CALN1: variants seen among roughly 807,000 people sequenced by gnomAD.
CALN1 encodes the protein calcium-binding protein 8.
Under a neutral mutation model 30.6 loss-of-function variants are expected in CALN1, and 17 were observed. That is an observed-to-expected ratio of 0.56 (90% CI 0.38 to 0.83). The LOEUF is 0.83. Among genes scored for constraint, CALN1 ranks in the 40% least tolerant of loss-of-function variants. CALN1 has a pLI of 0.00. For missense variants in CALN1, 291 were observed against 354.9 expected (o/e 0.82, Z 1.45); for synonymous variants, 156 against 131.4 (o/e 1.19, Z -1.28).
chr7:71,958,180 T>C (rs1334524819), intron 5 of CALN1, among the ~76,000 whole-genome samples: 9 of 152,152 alleles, frequency 5.9e-5, no homozygotes, highest in Admixed American at 3.3e-4. Context: ...TCTGAGATTT[T>C]AATGGATCCA....
chr7:72,069,247 C>A (rs1012883996), intron 4 of CALN1, among the ~76,000 whole-genome samples: 3 of 152,210 alleles, frequency 2.0e-5, no homozygotes, highest in Non-Finnish European at 4.4e-5. Flanking sequence ...CCCCGCTGCT[C>A]AGGCAGACAC....
intron 5 of CALN1, among the ~76,000 whole-genome samples, chr7:71,895,479 C>A (rs760232662): frequency 6.6e-6 from 1 of 152,188 alleles, no homozygotes; most frequent in African/African-American, 2.4e-5. Context: ...ATTCATTCGA[C>A]AAGAGTGACA....
chr7:72,158,455 C>G (rs748674746), intron 3 of CALN1, among the ~76,000 whole-genome samples: 2 of 152,212 alleles, frequency 1.3e-5, no homozygotes, highest in Non-Finnish European at 2.9e-5. Flanking sequence ...TCCAATCCAA[C>G]CTTCGTCCTG....
intron 5 of CALN1, among the ~76,000 whole-genome samples, chr7:71,975,213 G>C (rs1191486546): frequency 6.6e-6 from 1 of 152,164 alleles, no homozygotes; most frequent in Non-Finnish European, 1.5e-5. Flanking sequence ...TGAGCCCCGT[G>C]CTAGCCTCTT....
rs377122092 is a variant in CALN1, at chr7:71,949,907, G to A, written c.501+73750C>T. Reference sequence around the variant, plus strand: ...CTCCCGAGTAGCTGGGACTACAGGCGCCTGCCACTACGCCTGGCTAATTTT... The same window carrying A: ...CTCCCGAGTAGCTGGGACTACAGGCACCTGCCACTACGCCTGGCTAATTTT... On this transcript the variant is annotated intron_variant, in intron 5 of 6. Transcript: ENST00000395275. Among the ~76,000 whole-genome samples the A allele has an allele frequency of 1.3e-4, 20 of 151,904 alleles. No homozygotes were observed. In the South Asian group the frequency reaches 1.7e-3, roughly 13 times the overall value.
chr7:71,967,867 A>G (rs1797607584), intron 5 of CALN1, among the ~76,000 whole-genome samples: 1 of 152,182 alleles, frequency 6.6e-6, no homozygotes, highest in Admixed American at 6.6e-5. Flanking sequence ...AAAGCGAACA[A>G]AAGAAGCTAA....
chr7:72,302,685 G>A (rs1799361614), intron 2 of CALN1, among the ~76,000 whole-genome samples: 2 of 151,972 alleles, frequency 1.3e-5, no homozygotes, highest in Non-Finnish European at 2.9e-5. Flanking sequence ...CTTGAGGTCA[G>A]GAGTTCATGA....
intron 2 of CALN1, among the ~76,000 whole-genome samples, chr7:72,308,753 C>T (rs58283020): frequency 0.017 from 2,512 of 152,048 alleles, 63 homozygotes; most frequent in African/African-American, 0.057. Context: ...AGTTCCTTCC[C>T]GGAACAAAAC....
At chr7:72,228,152 T>C (rs929435660) in intron 3 of CALN1, among the ~76,000 whole-genome samples, 1 of 152,010 alleles carries the variant, frequency 6.6e-6, no homozygotes, top group African/African-American at 2.4e-5. Flanking sequence ...TAACGGGGAC[T>C]GGGCTTGTCA....
intron 4 of CALN1, among the ~76,000 whole-genome samples, chr7:72,099,035 C>T (rs1806450573): frequency 6.6e-6 from 1 of 152,202 alleles, no homozygotes; most frequent in South Asian, 2.1e-4. Context: ...GTTGCACAGA[C>T]AAACCCAGGC....
At chr7:72,358,045 G>A (rs761423433) in intron 2 of CALN1, among the ~76,000 whole-genome samples, 24 of 151,602 alleles carry the variant, frequency 1.6e-4, no homozygotes, top group Non-Finnish European at 2.9e-4. Context: ...AGGCAGGAGT[G>A]CAATGATGCA....
At chr7:71,974,537 C>A (rs1213621797) in intron 5 of CALN1, among the ~76,000 whole-genome samples, 2 of 151,996 alleles carry the variant, frequency 1.3e-5, no homozygotes, top group Non-Finnish European at 2.9e-5. Context: ...TGTTCCACCA[C>A]CCCTTGAGGT....
At chr7:72,420,396 T>G (rs551404908) in intron 1 of CALN1, among the ~76,000 whole-genome samples, 1 of 151,742 alleles carries the variant, frequency 6.6e-6, no homozygotes, top group East Asian at 1.9e-4. Context: ...TTTTGCTGAG[T>G]AGATGCTGGC....
chr7:72,024,954 A>T (rs753709031), intron 4 of CALN1, among the ~76,000 whole-genome samples: 17 of 152,110 alleles, frequency 1.1e-4, no homozygotes, highest in African/African-American at 1.7e-4. Context: ...ATTAGGCAGA[A>T]CTGGTCGAAC....
intron 5 of CALN1, among the ~76,000 whole-genome samples, chr7:71,828,314 T>A (rs944810756): frequency 6.6e-6 from 1 of 152,130 alleles, no homozygotes; most frequent in East Asian, 1.9e-4. Flanking sequence ...GGTTTTGTGA[T>A]AAGCCAATTG....
At chr7:72,147,224 C>T (rs1274259489) in intron 3 of CALN1, among the ~76,000 whole-genome samples, 1 of 152,078 alleles carries the variant, frequency 6.6e-6, no homozygotes, top group Non-Finnish European at 1.5e-5. Context: ...ACTCATCTGA[C>T]AAAGGGCTAA....
intron 4 of CALN1, among the ~76,000 whole-genome samples, chr7:72,088,701 G>GAAAAAAA (rs71069024): frequency 2.8e-4 from 20 of 72,256 alleles, no homozygotes; most frequent in Non-Finnish European, 3.7e-4. Context: ...TCCATCTCAA[G>GAAAAAAA]AAAAAAAAAA....
At chr7:72,286,928 G>A (rs1449861757) in intron 2 of CALN1, among the ~76,000 whole-genome samples, 1 of 152,212 alleles carries the variant, frequency 6.6e-6, no homozygotes, top group African/African-American at 2.4e-5. Context: ...ATATCAGAGT[G>A]AGAAGAAGAG....
chr7:72,369,372 T>TTG (rs1562927729), intron 2 of CALN1, among the ~76,000 whole-genome samples: 5 of 141,926 alleles, frequency 3.5e-5, no homozygotes, highest in Admixed American at 7.2e-5. Flanking sequence ...GTTGTTGTTG[T>TTG]TTGTTTTTGA....
Sources: gnomAD v4.1 joint callset for allele counts (sites outside exome capture counted in the v4.1 genomes callset) on GRCh38, gnomAD v4.1.1 for gene constraint, MANE v1.5 for transcripts, NCBI Gene and HGNC (gene_info 2026-07-23, HGNC 2026-07-21) for gene names.